The following DPP10 variants were observed in gnomAD, a reference collection of about 807,000 sequenced individuals.
DPP10 encodes the protein inactive dipeptidyl peptidase 10.
A neutral mutation model predicts 120.9 loss-of-function variants in DPP10; 33 were observed. That is an observed-to-expected ratio of 0.27 (90% CI 0.21 to 0.37). The LOEUF (loss-of-function observed/expected upper bound fraction) is 0.37, where lower values mean the gene tolerates loss of function less well. Ranked by LOEUF, DPP10 falls within the 10% of genes least tolerant of loss-of-function variation. The pLI is 1.00. For synonymous variants in DPP10, 337 were observed against 326.1 expected (o/e 1.03, Z -0.36); for missense variants, 816 against 942.8 (o/e 0.87, Z 1.76).
chr2:115,102,572 G>A (rs1389214575), intron 1 of DPP10, among the ~76,000 whole-genome samples: 3 of 151,942 alleles, frequency 2.0e-5, no homozygotes, highest in Non-Finnish European at 2.9e-5. Context: ...CACCACGCCC[G>A]GCTAATTTTT....
chr2:114,921,417 A>G (rs1695188240), intron 1 of DPP10, among the ~76,000 whole-genome samples: 1 of 152,210 alleles, frequency 6.6e-6, no homozygotes, highest in Non-Finnish European at 1.5e-5. Context: ...TGCATTTCAA[A>G]TATTGTGTGT....
At chr2:114,621,644 A>T (rs1694100339) in intron 1 of DPP10, among the ~76,000 whole-genome samples, 1 of 150,870 alleles carries the variant, frequency 6.6e-6, no homozygotes, top group African/African-American at 2.4e-5. Flanking sequence ...TTCAAAAGGC[A>T]CTCCGAGCAC....
At chr2:114,450,234 C>G (rs1030093804) in intron 1 of DPP10, among the ~76,000 whole-genome samples, 1 of 152,104 alleles carries the variant, frequency 6.6e-6, no homozygotes, top group Admixed American at 6.6e-5. Context: ...AACTCCTATT[C>G]TTACTTTAAA....
rs376316936 is a variant in DPP10 at position 115,390,153 on chromosome 2, T to C, written c.271+46241T>C. 2.6e-5 allele frequency among the ~76,000 whole-genome samples: 4 copies of C among 152,306 alleles called. No individual in the cohort carries two copies. In the South Asian group the frequency reaches 8.3e-4, roughly 32 times the overall value. On this transcript the variant is annotated intron_variant, in intron 3 of 25. Transcript: ENST00000410059. ...TAGAGAGATACTCAAGTATTATTTG[T>C]TGTAACTTGAATGAAGAAACAGCAC...
intron 5 of DPP10, among the ~76,000 whole-genome samples, chr2:115,551,092 C>T (rs1324316840): frequency 6.6e-6 from 1 of 152,000 alleles, no homozygotes; most frequent in East Asian, 1.9e-4. Flanking sequence ...CATTGGTTCA[C>T]TCTCACAGAT....
At chr2:115,510,197 A>T (rs1017982886) in intron 4 of DPP10, among the ~76,000 whole-genome samples, 23 of 152,060 alleles carry the variant, frequency 1.5e-4, no homozygotes, top group South Asian at 4.1e-4. Context: ...TTAAATGTTG[A>T]TAAAGTCAAA....
At chr2:115,347,250 A>G (rs1457213355) in intron 3 of DPP10, among the ~76,000 whole-genome samples, 4 of 152,136 alleles carry the variant, frequency 2.6e-5, no homozygotes, top group South Asian at 4.1e-4. Flanking sequence ...TGATAATAAA[A>G]TGAGGGAGAA....
intron 1 of DPP10, chr2:115,066,582 T>C (rs543320168): frequency 6.5e-4 from 99 of 152,246 alleles, no homozygotes; most frequent in African/African-American, 2.3e-3. Context: ...AACAACAAAC[T>C]GTTAGAATAA....
chr2:115,802,391 T>A (rs12986618), intron 19 of DPP10, among the ~76,000 whole-genome samples: 40,269 of 152,048 alleles, frequency 0.26, 5,673 homozygotes, highest in Middle Eastern at 0.44. Context: ...GCTTCTGGAT[T>A]CATTAATTTT....
At chr2:114,721,010 A>T (rs1373809390) in intron 1 of DPP10, among the ~76,000 whole-genome samples, 1 of 152,078 alleles carries the variant, frequency 6.6e-6, no homozygotes, top group Non-Finnish European at 1.5e-5. Flanking sequence ...CATTAACAAG[A>T]AACACTTTTG....
chr2:115,065,659 T>C (rs955434466), intron 1 of DPP10: 1 of 152,056 alleles, frequency 6.6e-6, no homozygotes, highest in Admixed American at 6.6e-5. Flanking sequence ...TAGTCATTCT[T>C]ACCAGTAGTG....
At chr2:115,641,961 T>G (rs2086819895) in intron 5 of DPP10, among the ~76,000 whole-genome samples, 1 of 152,188 alleles carries the variant, frequency 6.6e-6, no homozygotes, top group South Asian at 2.1e-4. Context: ...AGAAAGCTCA[T>G]GCAGAATTTA....
intron 3 of DPP10, among the ~76,000 whole-genome samples, chr2:115,493,505 G>A (rs1256513524): frequency 7.4e-6 from 1 of 136,036 alleles, no homozygotes; most frequent in African/African-American, 2.9e-5. Context: ...AATAGTCACT[G>A]AAGAGCTGTT....
chr2:115,739,206 G>A (rs138757490), intron 8 of DPP10, among the ~76,000 whole-genome samples: 24 of 152,134 alleles, frequency 1.6e-4, no homozygotes, highest in Non-Finnish European at 1.8e-4. Context: ...TTTTGATGTC[G>A]TTCATATAGG....
At chr2:115,442,110 C>G (rs1009936445) in intron 3 of DPP10, among the ~76,000 whole-genome samples, 3 of 152,026 alleles carry the variant, frequency 2.0e-5, no homozygotes, top group Non-Finnish European at 2.9e-5. Flanking sequence ...CTGCATCCAG[C>G]TGACAAGTTT....
At chr2:114,454,736 C>T (rs563945985) in intron 1 of DPP10, among the ~76,000 whole-genome samples, 9 of 152,078 alleles carry the variant, frequency 5.9e-5, no homozygotes, top group East Asian at 3.9e-4. Context: ...CTCAGGAAGA[C>T]GACTTGCTTT....
chr2:114,477,723 A>ATG lies in DPP10; in HGVS notation c.60+34885_60+34886insTG, dbSNP rs201797735. On this transcript the variant is annotated intron_variant, in intron 1 of 25. Coordinates refer to ENST00000410059, the MANE Select transcript of DPP10 (RefSeq NM_020868.6). ...TATGTGTGTGTGTATATATATATATACATATATACACATACATATATGTAC... is the reference window on the plus strand; with the variant it reads ...TATGTGTGTGTGTATATATATATATATGCATATATACACATACATATATGTAC... Among the ~76,000 whole-genome samples, 923 of 151,126 alleles carry ATG rather than the reference A, an allele frequency of 6.1e-3. 14 individuals are homozygous for ATG. Among genetic ancestry groups the ATG allele is most frequent in the African/African-American group, 0.022 (886 of 41,206 alleles).
intron 3 of DPP10, among the ~76,000 whole-genome samples, chr2:115,467,738 G>A (rs1366188517): frequency 2.6e-5 from 4 of 152,180 alleles, no homozygotes; most frequent in Non-Finnish European, 5.9e-5. Context: ...TTAGAATAAT[G>A]ACACTTGAAG....
At chr2:115,130,414 T>A (rs972292648) in intron 1 of DPP10, among the ~76,000 whole-genome samples, 5 of 152,130 alleles carry the variant, frequency 3.3e-5, no homozygotes, top group Admixed American at 3.3e-4. Context: ...CTCAGATGGT[T>A]CTTTCTCATT....
Sources: allele counts gnomAD v4.1 joint callset (sites outside exome capture counted in the v4.1 genomes callset), GRCh38; gene constraint gnomAD v4.1.1; transcripts MANE v1.5; gene names NCBI Gene and HGNC (gene_info 2026-07-23, HGNC 2026-07-21).